CDH9: variants seen among roughly 807,000 people sequenced by gnomAD.
CDH9 encodes cadherin 9.
Under a neutral mutation model 70.9 loss-of-function variants are expected in CDH9, and 28 were observed. The ratio of observed to expected loss-of-function variants is 0.40; its 90% CI spans 0.29 to 0.54. The LOEUF (loss-of-function observed/expected upper bound fraction) is 0.54, where lower values mean the gene tolerates loss of function less well. Among genes scored for constraint, CDH9 ranks in the 20% least tolerant of loss-of-function variants. The probability of loss-of-function intolerance (pLI) is 0.59; values close to 1 mark genes in which losing one functional copy is unlikely to be tolerated. For missense variants in CDH9, 874 were observed against 984.4 expected, an observed-to-expected ratio of 0.89 and a Z score of 1.50; for synonymous variants, 409 against 343.1, an observed-to-expected ratio of 1.19 and a Z score of -2.12.
chr5:26,998,886 T>C (rs1284794157), intron 1 of CDH9, among the ~76,000 whole-genome samples: 3 of 152,098 alleles, frequency 2.0e-5, no homozygotes, highest in Admixed American at 2.0e-4. Flanking sequence ...AATCAGTCAA[T>C]ATCATTAATA....
intron 2 of CDH9, among the ~76,000 whole-genome samples, chr5:26,950,520 G>A (rs1741827092): frequency 6.6e-6 from 1 of 152,056 alleles, no homozygotes; most frequent in Admixed American, 6.6e-5. Flanking sequence ...AGTAAAGTTG[G>A]TCTCATAAAA....
chr5:26,985,836 G>T (rs551778480), intron 2 of CDH9, among the ~76,000 whole-genome samples: 62 of 152,070 alleles, frequency 4.1e-4, no homozygotes, highest in Admixed American at 1.3e-3. Context: ...AGGTGCTCAA[G>T]AAGTTAAATC....
intron 2 of CDH9, among the ~76,000 whole-genome samples, chr5:26,934,928 A>G (rs1196214913): frequency 7.7e-6 from 1 of 130,016 alleles, no homozygotes; most frequent in East Asian, 2.1e-4. Context: ...AAAAATAAAG[A>G]TACTGAAAAA....
At chr5:27,028,489 T>A (rs1479050044) in intron 1 of CDH9, 1 of 151,996 alleles carries the variant, frequency 6.6e-6, no homozygotes, top group Non-Finnish European at 1.5e-5. Context: ...TAGGTACTGT[T>A]GTAATGGACT....
At chr5:26,966,436 T>C (rs1742131030) in intron 2 of CDH9, among the ~76,000 whole-genome samples, 1 of 152,220 alleles carries the variant, frequency 6.6e-6, no homozygotes, top group Non-Finnish European at 1.5e-5. Flanking sequence ...ACTATTCTTC[T>C]GAACACAGGT....
intron 1 of CDH9, among the ~76,000 whole-genome samples, chr5:27,020,811 T>C (rs1020682352): frequency 6.6e-6 from 1 of 151,588 alleles, no homozygotes; most frequent in South Asian, 2.1e-4. Flanking sequence ...TATTAAATGC[T>C]TTAAGTGTAG....
chr5:26,978,728 T>C (rs574819331), intron 2 of CDH9, among the ~76,000 whole-genome samples: 1 of 151,296 alleles, frequency 6.6e-6, no homozygotes, highest in East Asian at 1.9e-4. Flanking sequence ...AAGATATAAA[T>C]AGAACTTTAA....
At chr5:27,013,939 G>T (rs1480066204) in intron 1 of CDH9, among the ~76,000 whole-genome samples, 1 of 151,980 alleles carries the variant, frequency 6.6e-6, no homozygotes, top group Non-Finnish European at 1.5e-5. Flanking sequence ...GAAGAAAGCA[G>T]AAATAAGCTT....
intron 1 of CDH9, among the ~76,000 whole-genome samples, chr5:27,013,157 T>G (rs1742986913): frequency 6.6e-6 from 1 of 151,908 alleles, no homozygotes; most frequent in Non-Finnish European, 1.5e-5. Flanking sequence ...ATGTAAATGG[T>G]CATATCCTAG....
chr5:26,987,714 C>A (rs1457885269), intron 2 of CDH9, among the ~76,000 whole-genome samples: 1 of 151,864 alleles, frequency 6.6e-6, no homozygotes, highest in African/African-American at 2.4e-5. Context: ...GGAAGCTCAC[C>A]CTAGCAGATA....
intron 2 of CDH9, among the ~76,000 whole-genome samples, chr5:26,953,455 T>C (rs995340669): frequency 2.0e-5 from 3 of 152,220 alleles, no homozygotes; most frequent in Non-Finnish European, 4.4e-5. Flanking sequence ...GTTTTCTATT[T>C]ACACTTTCTC....
intron 2 of CDH9, among the ~76,000 whole-genome samples, chr5:26,964,779 C>T (rs1243847534): frequency 6.8e-5 from 8 of 117,436 alleles, no homozygotes; most frequent in African/African-American, 2.6e-4. Context: ...ATCCCACCTG[C>T]CCCACCCCCA....
chr5:26,947,217 A>C (rs1430689626), intron 2 of CDH9, among the ~76,000 whole-genome samples: 1 of 152,182 alleles, frequency 6.6e-6, no homozygotes, highest in Non-Finnish European at 1.5e-5. Context: ...TCCTAAGCTT[A>C]AGGAAATGAT....
At chr5:26,972,648 T>C (rs555392720) in intron 2 of CDH9, among the ~76,000 whole-genome samples, 18 of 152,280 alleles carry the variant, frequency 1.2e-4, no homozygotes, top group Non-Finnish European at 1.3e-4. Flanking sequence ...AAGGATCAAC[T>C]GTACTTTCTC....
intron 11 of CDH9, among the ~76,000 whole-genome samples, chr5:26,884,163 G>A (rs971393609): frequency 6.6e-6 from 1 of 152,034 alleles, no homozygotes; most frequent in Non-Finnish European, 1.5e-5. Context: ...AGGAACAAAG[G>A]TGGCTGACTG....
At chr5:26,904,656 T>A (rs1432255374) in intron 5 of CDH9, among the ~76,000 whole-genome samples, 1 of 152,100 alleles carries the variant, frequency 6.6e-6, no homozygotes, top group Non-Finnish European at 1.5e-5. Context: ...TCAAAGTCTA[T>A]ATTCTTTCCA....
chr5:26,989,941 C>A (rs552058574), intron 1 of CDH9, among the ~76,000 whole-genome samples: 22 of 152,186 alleles, frequency 1.4e-4, no homozygotes, highest in Middle Eastern at 6.8e-3. Context: ...GTGTACATTG[C>A]AGTGACTTAT....
At chr5:26,944,305 G>T (rs549150026) in intron 2 of CDH9, among the ~76,000 whole-genome samples, 1 of 150,506 alleles carries the variant, frequency 6.6e-6, no homozygotes, top group Non-Finnish European at 1.5e-5. Context: ...TTTCTATAAA[G>T]ACAGTTCTAT....
intron 9 of CDH9, among the ~76,000 whole-genome samples, chr5:26,889,250 T>C (rs1000600042): frequency 6.6e-6 from 1 of 152,102 alleles, no homozygotes; most frequent in Admixed American, 6.6e-5. Flanking sequence ...AAAATGAGCA[T>C]ATTCTGCATT....
Sources: allele counts gnomAD v4.1 joint callset (sites outside exome capture counted in the v4.1 genomes callset), GRCh38; gene constraint gnomAD v4.1.1; transcripts MANE v1.5; gene names NCBI Gene and HGNC (gene_info 2026-07-23, HGNC 2026-07-21).